Variants in TMEM143 observed in about 807,000 individuals in gnomAD.
The protein encoded by TMEM143 is transmembrane protein 143.
Under a neutral mutation model 40.3 loss-of-function variants are expected in TMEM143, and 45 were observed. That is an observed-to-expected ratio of 1.12 (90% CI 0.88 to 1.43). The LOEUF is 1.43. TMEM143 is among the 40% of genes most tolerant of loss of function. The pLI is 0.00. For missense variants in TMEM143, 620 were observed against 613.4 expected (o/e 1.01, Z -0.11); for synonymous variants, 299 against 282.7 (o/e 1.06, Z -0.58).
chr19:48,334,218 C>G, intron 6 of TMEM143, 21 bp from the exon 7 acceptor site: 1 of 1,575,198 alleles, frequency 6.3e-7, no homozygotes, highest in South Asian at 1.1e-5. Flanking sequence ...GACAGCGCCC[C>G]GTGGGCTCAG....
Position 48,345,223 on chromosome 19 carries a change from G to A in TMEM143, c.501C>T (p.Ser167=). The change falls in exon 4 of 8, where the codon TCC becomes TCT. Residue 167 remains serine (S), a synonymous_variant. Coordinates refer to ENST00000293261, the MANE Select transcript of TMEM143 (RefSeq NM_018273.4). ...AGGCCAGGGTGTCCTCAGACAGCGG[G>A]GAGAAGTTGGCCTGGGCCAGCAGGG... ...LEPLLAQANF[S]PLSEDTLAYA... 3 of 1,613,558 alleles carry A rather than the reference G, an allele frequency of 1.9e-6. No homozygotes were observed. The highest frequency in any genetic ancestry group is 1.1e-5 in the South Asian group (1 of 91,068).
At chr19:48,359,307 G>A (rs1488632449) in intron 3 of TMEM143, among the ~76,000 whole-genome samples, 3 of 151,912 alleles carry the variant, frequency 2.0e-5, no homozygotes, top group Non-Finnish European at 4.4e-5. Context: ...AGCCACAGTG[G>A]CCTCCTCACT....
At chr19:48,334,716 C>T (rs1048216827) in intron 6 of TMEM143, among the ~76,000 whole-genome samples, 2 of 151,804 alleles carry the variant, frequency 1.3e-5, no homozygotes, top group African/African-American at 2.4e-5. Context: ...CCTTGGCCTC[C>T]TAAGTAGCTG....
At chr19:48,360,204 T>C in intron 2 of TMEM143, 28 bp from the exon 3 acceptor site, 2 of 1,604,724 alleles carry the variant, frequency 1.2e-6, no homozygotes, top group African/African-American at 1.3e-5. Flanking sequence ...AAAACTTCTC[T>C]GTAGGCCTTT....
intron 6 of TMEM143, 134 bp downstream of exon 6, chr19:48,342,394 TGG>T: frequency 1.4e-6 from 1 of 739,234 alleles, no homozygotes; most frequent in East Asian, 3.4e-5. Flanking sequence ...AGAGGAAGAA[TGG>T]GAAGGAAGGA....
At chr19:48,355,387 G>C (rs1041365752) in intron 3 of TMEM143, among the ~76,000 whole-genome samples, 2 of 152,150 alleles carry the variant, frequency 1.3e-5, no homozygotes, top group Non-Finnish European at 2.9e-5. Context: ...GAGGCCATAG[G>C]TGCCCTGTGG....
At chr19:48,362,938 T>TATGA (rs1970083841) in intron 2 of TMEM143, among the ~76,000 whole-genome samples, 1 of 152,204 alleles carries the variant, frequency 6.6e-6, no homozygotes, top group Non-Finnish European at 1.5e-5. Context: ...TGATAATAAT[T>TATGA]ATGATTACAG....
intron 3 of TMEM143, among the ~76,000 whole-genome samples, 160 bp from the exon 4 acceptor site, chr19:48,345,514 A>G (rs1212704209): frequency 1.3e-5 from 2 of 151,764 alleles, no homozygotes; most frequent in African/African-American, 2.4e-5. Flanking sequence ...GCTGGAGTGC[A>G]GTGTCACGTT....
At chr19:48,359,697 C>A (rs1257842567) in intron 3 of TMEM143, among the ~76,000 whole-genome samples, 2 of 151,860 alleles carry the variant, frequency 1.3e-5, no homozygotes, top group African/African-American at 4.8e-5. Context: ...TTAGTAGAGA[C>A]GAGGTTTCAC....
At chr19:48,342,894 C>A in intron 5 of TMEM143, 85 bp from the exon 6 acceptor site, 3 of 1,441,124 alleles carry the variant, frequency 2.1e-6, no homozygotes, top group Non-Finnish European at 2.8e-6. Context: ...CTCACTCTGG[C>A]TCTACAGTCG....
At chr19:48,344,583 C>T (rs275580) in intron 4 of TMEM143, among the ~76,000 whole-genome samples, 122,168 of 152,168 alleles carry the variant, frequency 0.8, 49,137 homozygotes, top group Middle Eastern at 0.88. Context: ...CCACTGAACC[C>T]GGCCTTGTAT....
At position 48,345,226 on chromosome 19, in the gene TMEM143, G is replaced by A. The variant is rs1454164191; in HGVS notation, c.498C>T (p.Phe166=). The part of the protein sequence containing the change: ...ALEPLLAQAN[F]SPLSEDTLAY... The stretch of plus-strand genomic sequence containing the variant: ...CCAGGGTGTCCTCAGACAGCGGGGA[G>A]AAGTTGGCCTGGGCCAGCAGGGGCT... The change falls in exon 4 of 8, where the codon TTC becomes TTT. Residue 166 remains phenylalanine (F), a synonymous_variant. Coordinates refer to ENST00000293261, the MANE Select transcript of TMEM143 (RefSeq NM_018273.4). The A allele has an allele frequency of 5.6e-6, 9 of 1,613,496 alleles. No homozygotes were observed. Among genetic ancestry groups the A allele is most frequent in the Admixed American group, 1.7e-5 (1 of 59,964 alleles).
Position 48,363,537 on chromosome 19 carries a change from CAG to C in TMEM143, c.24-8_24-7del, listed in dbSNP as rs1970117185. ...CTAGACCCTTTCCCCGGAGCCTAAA[CAG>C]AGGAAAATGGGCAGGGGTCAAAGGC... On this transcript the variant is annotated splice_polypyrimidine_tract_variant and splice_region_variant and intron_variant, in intron 1 of 7. Coordinates refer to ENST00000293261, the MANE Select transcript of TMEM143 (RefSeq NM_018273.4). The C allele has an allele frequency of 1.9e-6, 3 of 1,595,214 alleles. No individual in the cohort carries two copies. Among genetic ancestry groups the C allele is most frequent in the East Asian group, 2.2e-5 (1 of 44,582 alleles).
intron 3 of TMEM143, among the ~76,000 whole-genome samples, chr19:48,355,342 A>T (rs1969865179): frequency 6.6e-6 from 1 of 152,158 alleles, no homozygotes; most frequent in South Asian, 2.1e-4. Context: ...TAACTTTTAA[A>T]AAAATAGAAA....
At chr19:48,363,621 C>G in intron 1 of TMEM143, 90 bp from the exon 2 acceptor site, 2 of 1,499,030 alleles carry the variant, frequency 1.3e-6, no homozygotes, top group Non-Finnish European at 1.8e-6. Flanking sequence ...GAAGCCGTCT[C>G]TACCCCAGGC....
chr19:48,333,520 A>G lies in TMEM143; in HGVS notation c.1166-87T>C. 5.6e-6 allele frequency: 5 copies of G among 892,962 alleles called. No individual in the cohort carries two copies. The highest frequency in any genetic ancestry group is 8.7e-6 in the Non-Finnish European group (5 of 577,232). 55.3% of individuals were successfully genotyped at this position (892,962 alleles called of 1,614,324 possible). A position where few individuals can be genotyped will look rare whatever the true frequency, so the allele number is the denominator to read the frequency against. On this transcript the variant is annotated intron_variant, in intron 7 of 7. Coordinates refer to ENST00000293261, the MANE Select transcript of TMEM143 (RefSeq NM_018273.4). This position sits in a 1 kb window ranked among gnomAD's most constrained non-coding sequence, Gnocchi z 4.1. ...AGCAAGGAGGGGCGTAGGGCAAAGAACAGGAAGGGCCTGGGTTTGGGAGAA... is the reference window on the plus strand; with the variant it reads ...AGCAAGGAGGGGCGTAGGGCAAAGAGCAGGAAGGGCCTGGGTTTGGGAGAA...
Position 48,337,798 on chromosome 19 carries a change from A to C in TMEM143, c.976-3601T>G, listed in dbSNP as rs141772139. On this transcript the variant is annotated intron_variant, in intron 6 of 7. Transcript: ENST00000293261. ...TACCCTCTTCTCACCAGGCCAGCAC[A>C]GTCAGTTTAGGTGCCTGCATTGGAA... is the stretch of plus-strand genomic sequence containing the variant. Among the ~76,000 whole-genome samples, 172 of 152,282 alleles carry C rather than the reference A, an allele frequency of 1.1e-3. 2 individuals carry two copies. Among genetic ancestry groups the C allele is most frequent in the African/African-American group, 3.9e-3 (164 of 41,560 alleles).
In TMEM143 at chr19:48,333,090, G is replaced by A. The variant is rs1190870353; in HGVS notation, c.*129C>T. 5 of 757,092 alleles carry A rather than the reference G, an allele frequency of 6.6e-6. No homozygotes were observed. In the African/African-American group the frequency reaches 8.9e-5, roughly 13 times the overall value. 46.9% of individuals were successfully genotyped at this position (757,092 alleles called of 1,614,324 possible). ...CTGCTTTGCTTAAGCACACAGTGCA[G>A]CAAAAATAATCACCTGTCAGTTATT... On this transcript the variant is annotated 3_prime_UTR_variant, in exon 8 of 8. Transcript: ENST00000293261. The surrounding 1 kb of genome is among the most constrained non-coding windows in gnomAD (Gnocchi z 4.1).
At chr19:48,351,411 G>A (rs1969771476) in intron 3 of TMEM143, among the ~76,000 whole-genome samples, 2 of 151,916 alleles carry the variant, frequency 1.3e-5, no homozygotes, top group Non-Finnish European at 2.9e-5. Flanking sequence ...TGTTCTCCCC[G>A]CCCCGTCCCC....
Sources: allele counts gnomAD v4.1 joint callset (sites outside exome capture counted in the v4.1 genomes callset), GRCh38; gene constraint gnomAD v4.1.1; non-coding constraint Gnocchi (gnomAD v3.1); transcripts MANE v1.5; gene names NCBI Gene and HGNC (gene_info 2026-07-23, HGNC 2026-07-21).